The following ARSB variants were observed in gnomAD, a reference collection of about 807,000 sequenced individuals.
ARSB encodes the protein N-acetylgalactosamine-4-sulfatase.
In ARSB, 41 loss-of-function variants were observed where a neutral mutation model predicts 50.9. The observed-to-expected ratio is 0.81, with a 90% CI of 0.63 to 1.04. ARSB has a LOEUF of 1.04. Among genes scored for constraint, ARSB ranks in the 50% least tolerant of loss-of-function variants. The probability of loss-of-function intolerance (pLI) is 0.00; values close to 1 mark genes in which losing one functional copy is unlikely to be tolerated. For missense variants in ARSB, 672 were observed against 693.3 expected (o/e 0.97, Z 0.35); for synonymous variants, 269 against 284.8 (o/e 0.94, Z 0.56).
intron 6 of ARSB, chr5:78,816,058 A>G: frequency 1.2e-6 from 2 of 1,614,078 alleles, no homozygotes; most frequent in Non-Finnish European, 1.7e-6. Context: ...GCCCTGGGTT[A>G]TCATCTTCAG....
chr5:78,790,388 A>G (rs2112630548), intron 6 of ARSB, among the ~76,000 whole-genome samples: 1 of 152,294 alleles, frequency 6.6e-6, no homozygotes, highest in Middle Eastern at 3.4e-3. Flanking sequence ...TCTAGTACTA[A>G]GTACAGCATA....
rs184484479 is a variant in ARSB at position 78,978,558 on chromosome 5, G to A, written c.312+6379C>T. On this transcript the variant is annotated intron_variant, in intron 1 of 7. Coordinates refer to ENST00000264914, the MANE Select transcript of ARSB (RefSeq NM_000046.5). ...GGGCCGAGAATAGCCAAACTATCTC[G>A]AAAAAGAATAACAAAATTGGAAGAC... Among the ~76,000 whole-genome samples, 847 of 151,948 alleles carry A rather than the reference G, an allele frequency of 5.6e-3. 1 individual carries two copies. The highest frequency in any genetic ancestry group is 8.2e-3 in the Non-Finnish European group (557 of 67,976).
intron 5 of ARSB, among the ~76,000 whole-genome samples, chr5:78,856,067 G>C (rs2112076019): frequency 6.6e-6 from 1 of 152,260 alleles, no homozygotes; most frequent in South Asian, 2.1e-4. Flanking sequence ...CTGATGTCAT[G>C]CTTCTTCAAC....
intron 6 of ARSB, among the ~76,000 whole-genome samples, chr5:78,801,008 G>C (rs1743374682): frequency 6.6e-6 from 1 of 152,116 alleles, no homozygotes; most frequent in African/African-American, 2.4e-5. Flanking sequence ...GAGCACCCTG[G>C]CTGGCTTGAG....
At chr5:78,879,977 AAT>A (rs1228543310) in intron 5 of ARSB, among the ~76,000 whole-genome samples, 1 of 27,190 alleles carries the variant, frequency 3.7e-5, no homozygotes, top group Non-Finnish European at 6.5e-4. Context: ...TTTACTTTTA[AAT>A]AAAAAAAAAA....
At chr5:78,798,140 C>G (rs925187775) in intron 6 of ARSB, among the ~76,000 whole-genome samples, 4 of 152,080 alleles carry the variant, frequency 2.6e-5, no homozygotes. Flanking sequence ...CATGAACTTG[C>G]GGATCTGATG....
intron 4 of ARSB, among the ~76,000 whole-genome samples, chr5:78,930,094 C>A (rs564621355): frequency 3.9e-5 from 6 of 152,210 alleles, no homozygotes; most frequent in Admixed American, 6.5e-5. Context: ...TCCTTAGGCC[C>A]CACTACTCAG....
intron 5 of ARSB, among the ~76,000 whole-genome samples, chr5:78,840,942 AT>A (rs1745172012): frequency 1.3e-5 from 2 of 152,204 alleles, no homozygotes; most frequent in South Asian, 4.1e-4. Context: ...TGTAAAGAAA[AT>A]GGTAAATATG....
At chr5:78,887,578 G>T (rs1339474065) in intron 4 of ARSB, among the ~76,000 whole-genome samples, 1 of 152,158 alleles carries the variant, frequency 6.6e-6, no homozygotes, top group Admixed American at 6.5e-5. Flanking sequence ...TCTTGGCAGG[G>T]TACCTGACAC....
chr5:78,913,602 AAGTG>A (rs988411394), intron 4 of ARSB, among the ~76,000 whole-genome samples: 45 of 152,298 alleles, frequency 3.0e-4, no homozygotes, highest in African/African-American at 7.2e-4. Context: ...TATTTTACAA[AAGTG>A]AGTTAGAGCC....
At chr5:78,940,537 A>G (rs1159618383) in intron 4 of ARSB, among the ~76,000 whole-genome samples, 7 of 152,344 alleles carry the variant, frequency 4.6e-5, no homozygotes, top group African/African-American at 1.7e-4. Flanking sequence ...TTTATTAAAT[A>G]GGGAATCCTT....
upstream of ARSB, chr5:78,985,525 T>G: frequency 3.9e-6 from 1 of 258,814 alleles, no homozygotes; most frequent in Non-Finnish European, 7.2e-6. Context: ...AGGCCCGTTA[T>G]CTTCCCCGGC....
intron 5 of ARSB, among the ~76,000 whole-genome samples, chr5:78,866,714 T>G (rs1365018281): frequency 6.6e-6 from 1 of 151,886 alleles, no homozygotes; most frequent in Non-Finnish European, 1.5e-5. Context: ...GGAAGATGGA[T>G]GGTAAAGGGA....
At position 78,955,288 on chromosome 5, in the gene ARSB, G is replaced by A. The variant is rs573613390; in HGVS notation, c.898+7C>T. 1.2e-6 allele frequency: 2 copies of A among 1,613,962 alleles called. No individual in the cohort carries two copies. Among genetic ancestry groups the A allele is most frequent in the South Asian group, 1.1e-5 (1 of 91,058 alleles). ...CCAAGAGATGATTTTCCTATTGACA[G>A]ACTTACCTGTAGAAAAGATGAACAC... On this transcript the variant is annotated splice_region_variant and intron_variant, in intron 4 of 7. Coordinates refer to ENST00000264914, the MANE Select transcript of ARSB (RefSeq NM_000046.5).
At chr5:78,907,103 G>C (rs1749100267) in intron 4 of ARSB, among the ~76,000 whole-genome samples, 1 of 145,638 alleles carries the variant, frequency 6.9e-6, no homozygotes, top group African/African-American at 2.8e-5. Context: ...AAAAGATACA[G>C]AGAAAGGAAA....
chr5:78,862,950 T>C (rs551437917), intron 5 of ARSB, among the ~76,000 whole-genome samples: 5 of 152,158 alleles, frequency 3.3e-5, no homozygotes, highest in African/African-American at 1.2e-4. Context: ...GCAAAGGATA[T>C]GAACAGACAC....
intron 4 of ARSB, among the ~76,000 whole-genome samples, chr5:78,911,502 A>G (rs958914884): frequency 5.7e-5 from 8 of 139,808 alleles, no homozygotes; most frequent in Non-Finnish European, 1.2e-4. Flanking sequence ...TGAAACCAGG[A>G]GGCGGAGGTT....
At chr5:78,882,595 T>C (rs139691148) in intron 5 of ARSB, among the ~76,000 whole-genome samples, 1 of 152,126 alleles carries the variant, frequency 6.6e-6, no homozygotes, top group African/African-American at 2.4e-5. Flanking sequence ...GGTATATCCA[T>C]GCGATTGAAT....
intron 4 of ARSB, among the ~76,000 whole-genome samples, chr5:78,902,185 A>G (rs944722425): frequency 1.3e-5 from 2 of 152,192 alleles, no homozygotes; most frequent in Non-Finnish European, 2.9e-5. Flanking sequence ...TTTATAACAA[A>G]GCCACTCTCA....
Sources: gnomAD v4.1 joint callset for allele counts (sites outside exome capture counted in the v4.1 genomes callset) on GRCh38, gnomAD v4.1.1 for gene constraint, MANE v1.5 for transcripts, NCBI Gene and HGNC (gene_info 2026-07-23, HGNC 2026-07-21) for gene names.